DLST: variants seen among roughly 807,000 people sequenced by gnomAD.
The protein encoded by DLST is dihydrolipoamide S-succinyltransferase, also known as dihydrolipoyllysine-residue succinyltransferase component of 2-oxoglutarate dehydrogenase complex, mitochondrial.
DLST carries 17 observed loss-of-function variants against 53.1 expected under a neutral mutation model. The observed-to-expected ratio is 0.32, with a 90% CI of 0.22 to 0.48. The LOEUF (loss-of-function observed/expected upper bound fraction) is 0.48. DLST is among the 20% of genes least tolerant of loss of function. The pLI is 0.99. For missense variants in DLST, 512 were observed against 583.9 expected, an observed-to-expected ratio of 0.88 and a Z score of 1.27; for synonymous variants, 206 against 204.8, an observed-to-expected ratio of 1.01 and a Z score of -0.05.
intron 3 of DLST, chr14:74,885,933 C>G (rs763886454): frequency 2.4e-5 from 7 of 288,152 alleles, no homozygotes; most frequent in Non-Finnish European, 4.5e-5. Flanking sequence ...CCTAGATATT[C>G]TGTTTGGATG....
chr14:74,892,948 C>G lies in DLST; in HGVS notation c.557C>G (p.Pro186Arg), dbSNP rs140693529. 2 of 1,614,024 alleles carry G rather than the reference C, an allele frequency of 1.2e-6. No individual in the cohort carries two copies. Among genetic ancestry groups the G allele is most frequent in the Non-Finnish European group, 1.7e-6 (2 of 1,179,998 alleles). The change falls in exon 8 of 15, where the codon CCG (proline) becomes CGG (arginine). Residue 186 changes from proline to arginine, a missense_variant. Physicochemically the swap from Pro to Arg is moderately radical, Grantham distance 103. Transcript: ENST00000334220. ...GCACCCATACCCACTCAGATGCCAC[C>G]GGTGCCCTCGCCCTCACAGCCTCCT... ...PAAPIPTQMP[P>R]VPSPSQPPSG...
intron 10 of DLST, among the ~76,000 whole-genome samples, chr14:74,895,408 T>A (rs1283858045): frequency 6.6e-6 from 1 of 152,240 alleles, no homozygotes; most frequent in Non-Finnish European, 1.5e-5. Flanking sequence ...AAGAGAAATT[T>A]GACAAACGTG....
At position 74,899,940 on chromosome 14, in the gene DLST, A is replaced by G. The variant is rs1410911540; in HGVS notation, c.919A>G (p.Lys307Glu). The change falls in exon 12 of 15, where the codon AAA becomes GAA. Residue 307 changes from lysine to glutamate, a missense_variant. Lys to Glu is a moderately conservative substitution (Grantham distance 56, BLOSUM62 1). Around this residue, in one of 4 missense-constraint regions of DLST, gnomAD observed 186 missense variants for 260.4 expected, o/e 0.71. Transcript: ENST00000334220. ...VVNAVIDDTTKEVVYRDYIDI... is the reference protein window; with the variant it reads ...VVNAVIDDTTEEVVYRDYIDI... Reference sequence around the variant, plus strand: ...TCTCATAGTGATTGACGACACAACCAAAGAGGTGGTGTATAGGGATTATAT... The same window carrying G: ...TCTCATAGTGATTGACGACACAACCGAAGAGGTGGTGTATAGGGATTATAT... The G allele has an allele frequency of 3.7e-6, 6 of 1,613,072 alleles. No homozygotes were observed. Among genetic ancestry groups the G allele is most frequent in the African/African-American group, 1.3e-5 (1 of 74,858 alleles).
chr14:74,894,856 T>A (rs1455190317), intron 10 of DLST, among the ~76,000 whole-genome samples: 1 of 152,092 alleles, frequency 6.6e-6, no homozygotes, highest in African/African-American at 2.4e-5. Flanking sequence ...CTGTTTATTG[T>A]TAACTTTCAC....
rs560243017 is a variant in DLST, at chr14:74,889,367, ATTTTTTTTT to A, written c.274+30_274+38del. 4 of 1,210,672 alleles carry A rather than the reference ATTTTTTTTT, an allele frequency of 3.3e-6. No homozygotes were observed. The highest frequency in any genetic ancestry group is 3.6e-5 in the African/African-American group (2 of 54,796). The allele number at this position is 1,210,672 out of a possible 1,614,324, so 75.0% of individuals were successfully genotyped here. ...GGAGAAAGGTAAGATTTAGTTTCCT[ATTTTTTTTT>A]TTTTTTTTTTTGAGACAGAGTCTTG... On this transcript the variant is annotated intron_variant, in intron 5 of 14. Coordinates refer to ENST00000334220, the MANE Select transcript of DLST (RefSeq NM_001933.5).
Position 74,891,085 on chromosome 14 carries a change from T to C in DLST, c.360T>C (p.Asn120=), listed in dbSNP as rs753089305. The C allele has an allele frequency of 1.9e-6, 3 of 1,613,606 alleles. No individual in the cohort carries two copies. In the East Asian group the frequency reaches 6.7e-5, roughly 36 times the overall value. ...CTGTGCAGGTTCCATCACCAGCAAA[T>C]GGCGTGATTGAAGCTCTTTTGGTAC... is the stretch of plus-strand genomic sequence containing the variant. ...KTSVQVPSPA[N]GVIEALLVPD... is the part of the protein sequence containing the mutation. The change falls in exon 7 of 15, where the codon AAT becomes AAC. Residue 120 remains asparagine (N), a synonymous_variant. Transcript: ENST00000334220.
intron 10 of DLST, among the ~76,000 whole-genome samples, chr14:74,896,144 A>G (rs1884073032): frequency 6.6e-6 from 1 of 152,210 alleles, no homozygotes; most frequent in Non-Finnish European, 1.5e-5. Flanking sequence ...ATGAGCCACC[A>G]TTCCTGGCCA....
intron 11 of DLST, 69 bp from the exon 12 acceptor site, chr14:74,899,854 G>A: frequency 8.0e-7 from 1 of 1,247,128 alleles, no homozygotes. Context: ...CTCTGTTAAT[G>A]CACATATTAC....
intron 3 of DLST, among the ~76,000 whole-genome samples, chr14:74,888,303 C>T (rs1883778599): frequency 6.9e-6 from 1 of 145,458 alleles, no homozygotes; most frequent in African/African-American, 2.5e-5. Flanking sequence ...GGCATAACAC[C>T]TTGTTTTACT....
In DLST at chr14:74,891,068, G is replaced by C. The variant is rs984291703; in HGVS notation, c.343G>C (p.Val115Leu). The change falls in exon 7 of 15, where the codon GTT becomes CTT. Residue 115 changes from valine to leucine, a missense_variant. Coordinates refer to ENST00000334220, the MANE Select transcript of DLST (RefSeq NM_001933.5). Reference protein sequence around the residue: ...EIETDKTSVQVPSPANGVIEA... With the variant: ...EIETDKTSVQLPSPANGVIEA... ...CTTCCTCTTCCAGACATCTGTGCAGGTTCCATCACCAGCAAATGGCGTGAT... is the reference window on the plus strand; with the variant it reads ...CTTCCTCTTCCAGACATCTGTGCAGCTTCCATCACCAGCAAATGGCGTGAT... The C allele has an allele frequency of 6.2e-7, 1 of 1,613,036 alleles. No individual in the cohort carries two copies. Among genetic ancestry groups the C allele is most frequent in the Non-Finnish European group, 8.5e-7 (1 of 1,179,784 alleles).
Position 74,903,682 on chromosome 14 carries a change from TG to T in DLST, c.*1353del, listed in dbSNP as rs1252139917. 6.6e-6 allele frequency: 1 copy of T among 152,126 alleles called. No homozygotes were observed. The highest frequency in any genetic ancestry group is 2.4e-5 in the African/African-American group (1 of 41,422). The allele number at this position is 152,126 out of a possible 1,614,324, so 9.4% of individuals were successfully genotyped here. A position where few individuals can be genotyped will look rare whatever the true frequency, so the allele number is the denominator to read the frequency against. ...TACTCTGTCTTCACTATTCAGAACT[TG>T]TAACTAAAGTATTTAAAGAAACTGA... On this transcript the variant is annotated 3_prime_UTR_variant, in exon 15 of 15. Coordinates refer to ENST00000334220, the MANE Select transcript of DLST (RefSeq NM_001933.5).
At position 74,902,995 on chromosome 14, in the gene DLST, A is replaced by AG. The variant is rs1884316229; in HGVS notation, c.*667dup. ...GGTCATGCATTGTAATCATCATAGA[A>AG]GGAGAGCCCAGGCCTGCCCTCACGC... is the stretch of plus-strand genomic sequence containing the variant. On this transcript the variant is annotated 3_prime_UTR_variant, in exon 15 of 15. Coordinates refer to ENST00000334220, the MANE Select transcript of DLST (RefSeq NM_001933.5). 1 of 152,614 alleles carries AG rather than the reference A, an allele frequency of 6.6e-6. No homozygotes were observed. The highest frequency in any genetic ancestry group is 1.5e-5 in the Non-Finnish European group (1 of 68,058). The allele number at this position is 152,614 out of a possible 1,614,324, so 9.5% of individuals were successfully genotyped here.
chr14:74,893,126 A>G, intron 8 of DLST, 140 bp downstream of exon 8: 1 of 1,186,360 alleles, frequency 8.4e-7, no homozygotes, highest in Non-Finnish European at 1.2e-6. Context: ...CTTTGTATCC[A>G]AAGGCCTGCT....
chr14:74,892,888 C>T lies in DLST; in HGVS notation c.497C>T (p.Ala166Val). 6.2e-7 allele frequency: 1 copy of T among 1,614,084 alleles called. No individual in the cohort carries two copies. Among genetic ancestry groups the T allele is most frequent in the Non-Finnish European group, 8.5e-7 (1 of 1,180,002 alleles). The change falls in exon 8 of 15, where the codon GCA becomes GTA. Residue 166 changes from alanine to valine, a missense_variant. By Grantham distance (64) the Ala-to-Val change is moderately conservative. This residue lies in a region of DLST where 162 missense variants were observed against 162.0 expected (regional missense o/e 1.00). Transcript: ENST00000334220. Reference sequence around the variant, plus strand: ...GCTCCTGCTGCTGCAGCCCCAAAAGCAGAACCTACAGCAGCGGCAGTTCCT... The same window carrying T: ...GCTCCTGCTGCTGCAGCCCCAAAAGTAGAACCTACAGCAGCGGCAGTTCCT... ...AEAPAAAAPKAEPTAAAVPPP... is the reference protein window; with the variant it reads ...AEAPAAAAPKVEPTAAAVPPP...
Position 74,900,615 on chromosome 14 carries a change from T to C in DLST, c.1059+243T>C, listed in dbSNP as rs147932132. ...CTTTGAAGTCTTCAACTGTATGAAA[T>C]TGTGCCTTTTCTCTGGTGGAGCACT... is the stretch of plus-strand genomic sequence containing the variant. On this transcript the variant is annotated intron_variant, in intron 13 of 14. Coordinates refer to ENST00000334220, the MANE Select transcript of DLST (RefSeq NM_001933.5). 2.9e-3 allele frequency among the ~76,000 whole-genome samples: 445 copies of C among 152,354 alleles called. 4 individuals carry two copies. The highest frequency in any genetic ancestry group is 0.01 in the African/African-American group (431 of 41,578).
At position 74,902,312 on chromosome 14, in the gene DLST, C is replaced by A. The variant is rs752850744; in HGVS notation, c.1344C>A (p.Val448=). 6 of 1,611,968 alleles carry A rather than the reference C, an allele frequency of 3.7e-6. No individual in the cohort carries two copies. The highest frequency in any genetic ancestry group is 4.2e-6 in the Non-Finnish European group (5 of 1,179,318). The change falls in exon 15 of 15, where the codon GTC becomes GTA. Residue 448 remains valine (V), a synonymous_variant. Transcript: ENST00000334220. ...KIKAAVEDPR[V]LLLDL Reference sequence around the variant, plus strand: ...AGGCAGCGGTAGAGGATCCCAGAGTCCTCCTCCTGGATCTTTAGGAGGAAC... The same window carrying A: ...AGGCAGCGGTAGAGGATCCCAGAGTACTCCTCCTGGATCTTTAGGAGGAAC...
intron 10 of DLST, among the ~76,000 whole-genome samples, chr14:74,896,141 A>T (rs374563524): frequency 1.3e-5 from 2 of 152,226 alleles, no homozygotes; most frequent in African/African-American, 4.8e-5. Context: ...GGCATGAGCC[A>T]CCATTCCTGG....
intron 3 of DLST, among the ~76,000 whole-genome samples, chr14:74,887,930 A>T (rs138965405): frequency 2.8e-4 from 43 of 152,378 alleles, no homozygotes; most frequent in African/African-American, 8.7e-4. Flanking sequence ...TCTATTATAA[A>T]AATGCTTGTT....
chr14:74,898,067 G>GT (rs1884127261), intron 10 of DLST, among the ~76,000 whole-genome samples: 1 of 151,642 alleles, frequency 6.6e-6, no homozygotes, highest in East Asian at 1.9e-4. Flanking sequence ...GGATGTTGGT[G>GT]TGCTGTGTGA....
Sources: gnomAD v4.1 joint callset for allele counts (sites outside exome capture counted in the v4.1 genomes callset) on GRCh38, gnomAD v4.1.1 for gene constraint, gnomAD v4.1.1 regional missense constraint, MANE v1.5 for transcripts, NCBI Gene and HGNC (gene_info 2026-07-23, HGNC 2026-07-21) for gene names.